PARD3B: variants seen among roughly 807,000 people sequenced by gnomAD.
PARD3B encodes the protein par-3 family cell polarity regulator beta, also known as partitioning defective 3 homolog B.
Under a neutral mutation model 130.2 loss-of-function variants are expected in PARD3B, and 103 were observed. That is an observed-to-expected ratio of 0.79 (90% CI 0.67 to 0.93). The LOEUF is 0.93. PARD3B is among the 40% of genes least tolerant of loss of function. PARD3B has a pLI of 0.00. For synonymous variants in PARD3B, 583 were observed against 553.2 expected (o/e 1.05, Z -0.76); for missense variants, 1,609 against 1,499.2 (o/e 1.07, Z -1.21).
At chr2:204,834,864 A>G (rs2125575334) in intron 2 of PARD3B, among the ~76,000 whole-genome samples, 1 of 152,282 alleles carries the variant, frequency 6.6e-6, no homozygotes, top group South Asian at 2.1e-4. Flanking sequence ...ATTGATGAGT[A>G]ATTGTTTTTA....
chr2:205,525,196 A>G lies in PARD3B; in HGVS notation c.3180+25165A>G, dbSNP rs1464960986. Among the ~76,000 whole-genome samples the G allele has an allele frequency of 6.6e-6, 1 of 152,044 alleles. No homozygotes were observed. The highest frequency in any genetic ancestry group is 2.4e-5 in the African/African-American group (1 of 41,408). On this transcript the variant is annotated intron_variant, in intron 21 of 22. Transcript: ENST00000406610. The surrounding 1 kb of genome is among the most constrained non-coding windows in gnomAD (Gnocchi z 4.2). Reference sequence around the variant, plus strand: ...GCTTTTTTCCCCTCCTACATGGTTAACTCCTAATTTTCCTTTAAATGGTCC... The same window carrying G: ...GCTTTTTTCCCCTCCTACATGGTTAGCTCCTAATTTTCCTTTAAATGGTCC...
chr2:205,358,998 A>G (rs1393052631), intron 18 of PARD3B, among the ~76,000 whole-genome samples: 1 of 152,154 alleles, frequency 6.6e-6, no homozygotes, highest in African/African-American at 2.4e-5. Context: ...TAAATTCGCA[A>G]ACATTTCTGG....
chr2:205,349,519 G>A (rs1303393246), intron 18 of PARD3B, among the ~76,000 whole-genome samples: 1 of 152,090 alleles, frequency 6.6e-6, no homozygotes. Flanking sequence ...TTCCTAGCAT[G>A]ATGCAAACAT....
chr2:205,301,932 A>C lies in PARD3B; in HGVS notation c.2630+231A>C. 1.4e-6 allele frequency: 1 copy of C among 729,984 alleles called. No homozygotes were observed. Among genetic ancestry groups the C allele is most frequent in the Non-Finnish European group, 2.5e-6 (1 of 406,912 alleles). The allele number at this position is 729,984 out of a possible 1,614,324, so 45.2% of individuals were successfully genotyped here. A position where few individuals can be genotyped will look rare whatever the true frequency, so the allele number is the denominator to read the frequency against. On this transcript the variant is annotated intron_variant, in intron 18 of 22. Transcript: ENST00000406610. The surrounding 1 kb of genome is among the most constrained non-coding windows in gnomAD (Gnocchi z 5.2). ...AGTTTGTTGTCAAAGAAAGGTCAAC[A>C]CTATGCCAGGCACGGTGGCTCATGC...
chr2:205,498,328 C>T (rs1276621028), intron 20 of PARD3B, among the ~76,000 whole-genome samples: 1 of 151,778 alleles, frequency 6.6e-6, no homozygotes, highest in Non-Finnish European at 1.5e-5. Context: ...GTGGTGAAAT[C>T]CTGTCTCTAC....
rs185887156 is a variant in PARD3B at position 205,548,019 on chromosome 2, C to T, written c.3181-5305C>T. 5.5e-3 allele frequency among the ~76,000 whole-genome samples: 838 copies of T among 152,218 alleles called. 2 individuals carry two copies. The highest frequency in any genetic ancestry group is 8.7e-3 in the Non-Finnish European group (589 of 68,016). The stretch of plus-strand genomic sequence containing the variant: ...ACTGTTTTGGCACTGTGGAACACTC[C>T]CTTCATGGAATTCTTTTCTTGGTTT... On this transcript the variant is annotated intron_variant, in intron 21 of 22. Transcript: ENST00000406610.
Position 205,177,019 on chromosome 2 carries a change from A to G in PARD3B, c.1924+442A>G, listed in dbSNP as rs556531289. On this transcript the variant is annotated intron_variant, in intron 13 of 22. Transcript: ENST00000406610. ...TAATATGAGTATGATAAATGGGTGAATATCCTAACCTGAAACCATCTCGTG... is the reference window on the plus strand; with the variant it reads ...TAATATGAGTATGATAAATGGGTGAGTATCCTAACCTGAAACCATCTCGTG... Among the ~76,000 whole-genome samples the G allele has an allele frequency of 3.3e-5, 5 of 152,324 alleles. No individual in the cohort carries two copies. In the South Asian group the frequency reaches 8.3e-4, roughly 25 times the overall value.
intron 2 of PARD3B, 68 bp from the exon 3 acceptor site, chr2:204,965,084 C>T: frequency 6.8e-7 from 1 of 1,462,440 alleles, no homozygotes; most frequent in Non-Finnish European, 9.3e-7. Context: ...AGATCACGTT[C>T]AGCTAGATAG....
At chr2:204,622,201 G>C (rs2034327773) in intron 1 of PARD3B, among the ~76,000 whole-genome samples, 1 of 152,158 alleles carries the variant, frequency 6.6e-6, no homozygotes, top group Non-Finnish European at 1.5e-5. Context: ...TTTCCAGGAT[G>C]ATGTGCGTGA....
chr2:204,948,755 T>C (rs1575393917), intron 2 of PARD3B, among the ~76,000 whole-genome samples: 1 of 152,228 alleles, frequency 6.6e-6, no homozygotes, highest in Non-Finnish European at 1.5e-5. Flanking sequence ...CTTAGTCCAA[T>C]AAAAATAGGG....
intron 15 of PARD3B, among the ~76,000 whole-genome samples, chr2:205,238,849 A>AAAAAAAAATATAT (rs1273582854): frequency 3.9e-5 from 3 of 76,916 alleles, no homozygotes; most frequent in African/African-American, 5.3e-5. Flanking sequence ...AAAAAAAAAA[A>AAAAAAAAATATAT]ATATATATAT....
At chr2:204,883,432 A>G (rs2046137307) in intron 2 of PARD3B, among the ~76,000 whole-genome samples, 1 of 107,960 alleles carries the variant, frequency 9.3e-6, no homozygotes, top group South Asian at 2.5e-4. Flanking sequence ...ATATATATAT[A>G]AAATATATAT....
chr2:205,104,315 A>T, intron 4 of PARD3B, 111 bp from the exon 5 acceptor site: 1 of 699,862 alleles, frequency 1.4e-6, no homozygotes, highest in South Asian at 1.9e-5. Flanking sequence ...ATTAGAGCAT[A>T]CTGTATATAT....
chr2:205,239,527 A>G (rs1025918951), intron 15 of PARD3B, among the ~76,000 whole-genome samples: 15 of 152,258 alleles, frequency 9.9e-5, no homozygotes, highest in African/African-American at 3.6e-4. Flanking sequence ...AAATTTATGA[A>G]GGAATTACTT....
intron 21 of PARD3B, among the ~76,000 whole-genome samples, chr2:205,540,289 A>G (rs2052066113): frequency 6.6e-6 from 1 of 151,406 alleles, no homozygotes; most frequent in African/African-American, 2.4e-5. Context: ...CTGGTCTATC[A>G]CTTCCTCTTC....
At chr2:204,837,566 C>G (rs1278226030) in intron 2 of PARD3B, among the ~76,000 whole-genome samples, 1 of 151,882 alleles carries the variant, frequency 6.6e-6, no homozygotes, top group Non-Finnish European at 1.5e-5. Flanking sequence ...ATTACAGGCA[C>G]GTGTCACCAT....
At chr2:205,553,231 C>A in intron 21 of PARD3B, 93 bp from the exon 22 acceptor site, 1 of 1,176,730 alleles carries the variant, frequency 8.5e-7, no homozygotes, top group Non-Finnish European at 1.2e-6. Context: ...CAGGCAGTAA[C>A]AGCATTTGTG....
intron 2 of PARD3B, among the ~76,000 whole-genome samples, chr2:204,782,918 G>C (rs2041888822): frequency 1.3e-5 from 2 of 152,102 alleles, no homozygotes; most frequent in African/African-American, 4.8e-5. Flanking sequence ...AAGAAAGTGG[G>C]TTTTCTGACA....
intron 2 of PARD3B, among the ~76,000 whole-genome samples, chr2:204,757,650 A>G (rs530643915): frequency 6.6e-6 from 1 of 152,252 alleles, no homozygotes; most frequent in South Asian, 2.1e-4. Context: ...CCTTTGTGAA[A>G]GATTGCAAAC....
Sources: gnomAD v4.1 joint callset for allele counts (sites outside exome capture counted in the v4.1 genomes callset) on GRCh38, gnomAD v4.1.1 for gene constraint, Gnocchi (gnomAD v3.1) non-coding constraint, MANE v1.5 for transcripts, NCBI Gene and HGNC (gene_info 2026-07-23, HGNC 2026-07-21) for gene names.